The following ENPP6 variants were observed in gnomAD, a reference collection of about 807,000 sequenced individuals.
ENPP6 encodes the protein ectonucleotide pyrophosphatase/phosphodiesterase 6.
In ENPP6, 32 loss-of-function variants were observed where a neutral mutation model predicts 42.0. The ratio of observed to expected loss-of-function variants is 0.76; its 90% CI spans 0.58 to 1.02. ENPP6 has a LOEUF of 1.02. Among genes scored for constraint, ENPP6 ranks in the 50% least tolerant of loss-of-function variants. The pLI, the probability that ENPP6 is intolerant of heterozygous loss-of-function variation, is 0.00. For missense variants in ENPP6, 552 were observed against 566.8 expected, an observed-to-expected ratio of 0.97 and a Z score of 0.27; for synonymous variants, 213 against 216.0, an observed-to-expected ratio of 0.99 and a Z score of 0.12.
chr4:184,114,687 G>C (rs921713261), intron 5 of ENPP6, among the ~76,000 whole-genome samples: 1 of 150,954 alleles, frequency 6.6e-6, no homozygotes, highest in Non-Finnish European at 1.5e-5. Context: ...GCTCTCCCTA[G>C]CTCAAAAGCT....
intron 1 of ENPP6, among the ~76,000 whole-genome samples, chr4:184,209,403 A>G (rs953160891): frequency 1.3e-5 from 2 of 151,482 alleles, no homozygotes; most frequent in Non-Finnish European, 2.9e-5. Context: ...GAGCTGATGG[A>G]GCTGAAAACC....
intron 2 of ENPP6, among the ~76,000 whole-genome samples, chr4:184,140,155 T>G (rs1398354140): frequency 1.3e-5 from 2 of 152,058 alleles, no homozygotes; most frequent in African/African-American, 4.8e-5. Flanking sequence ...ATAAATGTCT[T>G]CAAATACCTA....
chr4:184,092,789 T>C (rs1302686958), intron 7 of ENPP6, among the ~76,000 whole-genome samples: 10 of 152,206 alleles, frequency 6.6e-5, no homozygotes, highest in Non-Finnish European at 1.5e-4. Flanking sequence ...TTGAAGGAAA[T>C]GAGTTGTTTG....
intron 2 of ENPP6, among the ~76,000 whole-genome samples, chr4:184,128,798 T>C (rs1004121985): frequency 1.3e-5 from 2 of 152,210 alleles, no homozygotes; most frequent in Non-Finnish European, 2.9e-5. Context: ...TTTTCGAATA[T>C]AACTGTTGAA....
chr4:184,119,453 C>T (rs1427994827), intron 3 of ENPP6, among the ~76,000 whole-genome samples: 1 of 151,724 alleles, frequency 6.6e-6, no homozygotes, highest in African/African-American at 2.4e-5. Context: ...TTCCTCATAC[C>T]CAGATGTGCT....
At chr4:184,161,313 G>A (rs546001653) in intron 1 of ENPP6, among the ~76,000 whole-genome samples, 18 of 152,210 alleles carry the variant, frequency 1.2e-4, no homozygotes, top group African/African-American at 4.3e-4. Context: ...TAATTATCGG[G>A]GAAATGGAAA....
chr4:184,161,219 A>G (rs906402409), intron 1 of ENPP6, among the ~76,000 whole-genome samples: 1 of 152,168 alleles, frequency 6.6e-6, no homozygotes, highest in Non-Finnish European at 1.5e-5. Context: ...CCCATGAAAA[A>G]CTGGGCTAAG....
chr4:184,198,619 T>C (rs1311557456), intron 1 of ENPP6, among the ~76,000 whole-genome samples: 2 of 152,162 alleles, frequency 1.3e-5, no homozygotes, highest in African/African-American at 4.8e-5. Context: ...AAAACATTGC[T>C]TTAGGTCCAC....
intron 1 of ENPP6, among the ~76,000 whole-genome samples, chr4:184,173,063 C>T (rs1018298496): frequency 2.6e-5 from 4 of 152,114 alleles, no homozygotes; most frequent in Admixed American, 2.0e-4. Context: ...GTCACCATGC[C>T]CAGCTAATTT....
At position 184,173,715 on chromosome 4, in the gene ENPP6, T is replaced by G. The variant is rs186932925; in HGVS notation, c.242-19982A>C. 3.7e-3 allele frequency among the ~76,000 whole-genome samples: 563 copies of G among 152,352 alleles called. 5 individuals carry two copies. Among genetic ancestry groups the G allele is most frequent in the Non-Finnish European group, 6.2e-3 (423 of 68,038 alleles). ...GTCCAAGTTGAAAGGGTCTTAGAGA[T>G]ATTCTGGTTAAAACACCCACCCATT... On this transcript the variant is annotated intron_variant, in intron 1 of 7. Transcript: ENST00000296741.
chr4:184,102,588 T>G (rs1297766335), intron 6 of ENPP6, among the ~76,000 whole-genome samples: 3 of 152,224 alleles, frequency 2.0e-5, no homozygotes, highest in African/African-American at 7.2e-5. Flanking sequence ...AGCTGTGTCC[T>G]GCATCCCTAA....
intron 1 of ENPP6, among the ~76,000 whole-genome samples, chr4:184,189,051 T>G (rs1189454456): frequency 1.3e-5 from 2 of 152,238 alleles, no homozygotes; most frequent in Non-Finnish European, 2.9e-5. Context: ...TGTCAAGTGC[T>G]TTGGGGCTGC....
At chr4:184,131,216 CT>C (rs1193387718) in intron 2 of ENPP6, among the ~76,000 whole-genome samples, 1 of 85,414 alleles carries the variant, frequency 1.2e-5, no homozygotes, top group African/African-American at 5.3e-5. Context: ...TTCTTTCTTT[CT>C]TTTTCTTTCT....
intron 7 of ENPP6, among the ~76,000 whole-genome samples, chr4:184,095,239 C>T (rs910802943): frequency 1.3e-5 from 2 of 152,160 alleles, no homozygotes; most frequent in East Asian, 3.9e-4. Flanking sequence ...GTTACAGGAA[C>T]CTGTGATGGA....
At chr4:184,140,728 C>A (rs1261032098) in intron 2 of ENPP6, among the ~76,000 whole-genome samples, 2 of 127,734 alleles carry the variant, frequency 1.6e-5, no homozygotes, top group South Asian at 3.0e-4. Context: ...ACACCTTATA[C>A]AAAAATCAAT....
chr4:184,200,037 T>C (rs1344322930), intron 1 of ENPP6, among the ~76,000 whole-genome samples: 1 of 152,194 alleles, frequency 6.6e-6, no homozygotes, highest in East Asian at 1.9e-4. Flanking sequence ...ACATATGCAA[T>C]GGACTGAAGT....
chr4:184,110,841 A>C (rs1015333330), intron 6 of ENPP6, among the ~76,000 whole-genome samples: 2 of 152,206 alleles, frequency 1.3e-5, no homozygotes, highest in African/African-American at 4.8e-5. Context: ...GCTGTGATTT[A>C]TGACCAAGAG....
At chr4:184,154,153 G>A (rs1034784807) in intron 1 of ENPP6, among the ~76,000 whole-genome samples, 1 of 152,170 alleles carries the variant, frequency 6.6e-6, no homozygotes, top group Non-Finnish European at 1.5e-5. Flanking sequence ...CTGTTATAGC[G>A]TTTATTCTTT....
At chr4:184,200,612 T>C (rs1374359715) in intron 1 of ENPP6, among the ~76,000 whole-genome samples, 3 of 152,190 alleles carry the variant, frequency 2.0e-5, no homozygotes, top group African/African-American at 7.2e-5. Context: ...AGGAAGATGA[T>C]GTAATGTATC....
Sources: gnomAD v4.1 joint callset for allele counts (sites outside exome capture counted in the v4.1 genomes callset) on GRCh38, gnomAD v4.1.1 for gene constraint, MANE v1.5 for transcripts, NCBI Gene and HGNC (gene_info 2026-07-23, HGNC 2026-07-21) for gene names.